PRR5L: variants seen among roughly 807,000 people sequenced by gnomAD.
The protein encoded by PRR5L is proline rich 5 like.
PRR5L carries 21 observed loss-of-function variants against 36.4 expected under a neutral mutation model. The ratio of observed to expected loss-of-function variants is 0.58; its 90% CI spans 0.41 to 0.83. The LOEUF is 0.83. PRR5L is among the 40% of genes least tolerant of loss of function. PRR5L has a pLI of 0.00. For synonymous variants in PRR5L, 188 were observed against 197.0 expected, an observed-to-expected ratio of 0.95 and a Z score of 0.38; for missense variants, 381 against 473.3, an observed-to-expected ratio of 0.80 and a Z score of 1.81.
At chr11:36,431,188 G>C (rs1468215071) in intron 4 of PRR5L, among the ~76,000 whole-genome samples, 2 of 152,202 alleles carry the variant, frequency 1.3e-5, no homozygotes, top group South Asian at 4.1e-4. Context: ...GACCAGGTCT[G>C]TCTGCCTTGA....
At chr11:36,368,185 T>C (rs942216665) in intron 1 of PRR5L, among the ~76,000 whole-genome samples, 1 of 151,994 alleles carries the variant, frequency 6.6e-6, no homozygotes, top group Non-Finnish European at 1.5e-5. Context: ...TGGAGAATTA[T>C]GAAAAGAGCA....
intron 6 of PRR5L, among the ~76,000 whole-genome samples, chr11:36,439,399 C>T (rs1858673532): frequency 6.6e-6 from 1 of 152,114 alleles, no homozygotes; most frequent in African/African-American, 2.4e-5. Context: ...CTAAGGATAG[C>T]TCTGTTTCAG....
chr11:36,455,587 A>C (rs1250933404), intron 8 of PRR5L: 1 of 152,606 alleles, frequency 6.6e-6, no homozygotes, highest in Non-Finnish European at 1.5e-5. Flanking sequence ...ACTGCAAGGG[A>C]AGGGCTGGTT....
intron 1 of PRR5L, among the ~76,000 whole-genome samples, chr11:36,371,256 C>T (rs1192788394): frequency 2.0e-5 from 3 of 152,210 alleles, no homozygotes; most frequent in African/African-American, 7.2e-5. Flanking sequence ...GGAGGGCAAA[C>T]TTTTATCATT....
intron 1 of PRR5L, among the ~76,000 whole-genome samples, chr11:36,340,603 C>G (rs1234171406): frequency 6.6e-6 from 1 of 152,108 alleles, no homozygotes; most frequent in African/African-American, 2.4e-5. Flanking sequence ...GGACTCACAC[C>G]CTGGCATTCT....
chr11:36,450,271 A>G (rs1858916526), intron 7 of PRR5L, among the ~76,000 whole-genome samples: 1 of 152,190 alleles, frequency 6.6e-6, no homozygotes, highest in African/African-American at 2.4e-5. Flanking sequence ...AGTGATTTAG[A>G]GTCTACTCCA....
At chr11:36,443,041 T>C (rs955192523) in intron 6 of PRR5L, among the ~76,000 whole-genome samples, 4 of 152,192 alleles carry the variant, frequency 2.6e-5, no homozygotes, top group African/African-American at 9.7e-5. Context: ...TCATTTTGCA[T>C]TGTTACAACG....
rs557680698 is a variant in PRR5L, at chr11:36,344,032, C to T, written c.-126+47594C>T. ...AGGAGTTCGGGACCAGCCTGGCCAA[C>T]ATGGAGAAATCCCGTCTCTACTAAA... On this transcript the variant is annotated intron_variant, in intron 1 of 8. Transcript: ENST00000530639. This position sits in a 1 kb window ranked among gnomAD's most constrained non-coding sequence, Gnocchi z 4.1. 2.6e-5 allele frequency among the ~76,000 whole-genome samples: 4 copies of T among 152,064 alleles called. No homozygotes were observed. The highest frequency in any genetic ancestry group is 7.2e-5 in the African/African-American group (3 of 41,466).
Position 36,431,302 on chromosome 11 carries a change from C to T in PRR5L, c.295-551C>T, listed in dbSNP as rs1043569900. Among the ~76,000 whole-genome samples the T allele has an allele frequency of 3.3e-5, 5 of 152,266 alleles. No individual in the cohort carries two copies. In the East Asian group the frequency reaches 9.7e-4, roughly 29 times the overall value. ...TATAAATCTTATGATGTAGACAGGA[C>T]GCTCAACAATTGTTAGTTGCAGTTG... On this transcript the variant is annotated intron_variant, in intron 4 of 8. Coordinates refer to ENST00000530639, the MANE Select transcript of PRR5L (RefSeq NM_001160167.2).
intron 3 of PRR5L, among the ~76,000 whole-genome samples, chr11:36,405,036 T>C (rs1333689111): frequency 6.6e-6 from 1 of 152,224 alleles, no homozygotes; most frequent in African/African-American, 2.4e-5. Flanking sequence ...AGGAATGTGC[T>C]AATTGTTTTT....
At chr11:36,393,813 G>A (rs958198193) in intron 1 of PRR5L, 3 of 152,174 alleles carry the variant, frequency 2.0e-5, no homozygotes, top group Non-Finnish European at 4.4e-5. Flanking sequence ...AGTGAACATG[G>A]AATGTCTTTC....
At chr11:36,384,732 G>A (rs1857427550) in intron 1 of PRR5L, among the ~76,000 whole-genome samples, 1 of 151,688 alleles carries the variant, frequency 6.6e-6, no homozygotes, top group Admixed American at 6.6e-5. Flanking sequence ...GAGTGCAGTG[G>A]CATGATTGTA....
chr11:36,428,445 G>T lies in PRR5L; in HGVS notation c.295-3408G>T, dbSNP rs543692708. Among the ~76,000 whole-genome samples the T allele has an allele frequency of 1.8e-4, 27 of 152,332 alleles. No individual in the cohort carries two copies. In the South Asian group the frequency reaches 5.4e-3, roughly 30 times the overall value. ...CAATTCTCTAGAGAGGAGATTTGGG[G>T]TTCAGTTTGAGACCCATTAGCAAAG... On this transcript the variant is annotated intron_variant, in intron 4 of 8. Transcript: ENST00000530639.
At chr11:36,424,120 G>T (rs1013115415) in intron 4 of PRR5L, among the ~76,000 whole-genome samples, 1 of 152,184 alleles carries the variant, frequency 6.6e-6, no homozygotes, top group Admixed American at 6.5e-5. Flanking sequence ...ATGACCACAG[G>T]TCTTAATATA....
chr11:36,427,256 G>A (rs1224945146), intron 4 of PRR5L, among the ~76,000 whole-genome samples: 1 of 152,038 alleles, frequency 6.6e-6, no homozygotes, highest in African/African-American at 2.4e-5. Context: ...ATTATAGTGC[G>A]ACTTGACTGT....
chr11:36,306,088 G>T (rs961880493), intron 1 of PRR5L, among the ~76,000 whole-genome samples: 5 of 152,070 alleles, frequency 3.3e-5, no homozygotes, highest in African/African-American at 1.2e-4. Context: ...TTATGTATAT[G>T]TACCATATTT....
chr11:36,382,690 T>C (rs916198439), intron 1 of PRR5L, among the ~76,000 whole-genome samples: 2 of 152,164 alleles, frequency 1.3e-5, no homozygotes, highest in Admixed American at 6.5e-5. Context: ...CTGTGCATAG[T>C]AGGATTTTTG....
At chr11:36,352,287 GT>G (rs1856983620) in intron 1 of PRR5L, among the ~76,000 whole-genome samples, 1 of 151,876 alleles carries the variant, frequency 6.6e-6, no homozygotes, top group Non-Finnish European at 1.5e-5. Context: ...TTTGTTTTTT[GT>G]TTTTTGTTTT....
At chr11:36,345,793 C>G (rs1000959925) in intron 1 of PRR5L, among the ~76,000 whole-genome samples, 5 of 152,194 alleles carry the variant, frequency 3.3e-5, no homozygotes, top group African/African-American at 4.8e-5. Context: ...ACAGCAGATG[C>G]TCCGGGAAAA....
Sources: gnomAD v4.1 joint callset for allele counts (sites outside exome capture counted in the v4.1 genomes callset) on GRCh38, gnomAD v4.1.1 for gene constraint, Gnocchi (gnomAD v3.1) non-coding constraint, MANE v1.5 for transcripts, NCBI Gene and HGNC (gene_info 2026-07-23, HGNC 2026-07-21) for gene names.